The following ADAMTS9 variants were observed in gnomAD, a reference collection of about 807,000 sequenced individuals.
The protein encoded by ADAMTS9 is A disintegrin and metalloproteinase with thrombospondin motifs 9.
ADAMTS9 carries 107 observed loss-of-function variants against 257.1 expected under a neutral mutation model. The observed-to-expected ratio is 0.42, with a 90% CI of 0.36 to 0.49. ADAMTS9 has a LOEUF of 0.49. Ranked by LOEUF, ADAMTS9 falls within the 20% of genes least tolerant of loss-of-function variation. The pLI, the probability that ADAMTS9 is intolerant of heterozygous loss-of-function variation, is 0.03. For missense variants in ADAMTS9, 2,353 were observed against 2,469.1 expected (o/e 0.95, Z 1.00); for synonymous variants, 982 against 880.9 (o/e 1.11, Z -2.03).
At chr3:64,654,809 A>G (rs925222668) in intron 6 of ADAMTS9, 197 bp from the exon 7 acceptor site, 2 of 593,624 alleles carry the variant, frequency 3.4e-6, no homozygotes, top group Non-Finnish European at 3.0e-6. Context: ...AAACTACTAC[A>G]TTAAGAAGTT....
rs928891961 is a variant in ADAMTS9, at chr3:64,522,174, T to C, written c.5805A>G (p.Leu1935=). 5.0e-5 allele frequency: 81 copies of C among 1,613,726 alleles called. No individual in the cohort carries two copies. The highest frequency in any genetic ancestry group is 6.7e-5 in the Non-Finnish European group (79 of 1,179,808). ...SSGTGLEVRV[L] is the part of the protein sequence containing the mutation. ...GACATAGGACTACTTACCTTAGCTA[T>C]AAAACTCGCACCTCCAGGCCAGTAC... The change falls in exon 39 of 40, where the codon TTA becomes TTG. Residue 1935 remains leucine, a synonymous_variant. Transcript: ENST00000498707.
intron 31 of ADAMTS9, 154 bp downstream of exon 31, chr3:64,550,738 G>C (rs1312743539): frequency 1.2e-6 from 1 of 864,602 alleles, no homozygotes; most frequent in African/African-American, 1.7e-5. Context: ...GCTTGGGAAA[G>C]CTGAGGACTT....
chr3:64,521,358 T>A (rs2082849403), intron 39 of ADAMTS9: 1 of 152,178 alleles, frequency 6.6e-6, no homozygotes, highest in Admixed American at 6.5e-5. Context: ...TGTAAATTAG[T>A]TCATCCTTTG....
intron 3 of ADAMTS9, among the ~76,000 whole-genome samples, chr3:64,678,036 T>C (rs1193429284): frequency 6.6e-6 from 1 of 152,212 alleles, no homozygotes; most frequent in East Asian, 1.9e-4. Flanking sequence ...ATATTCCATC[T>C]GCGTGTGAAA....
intron 25 of ADAMTS9, among the ~76,000 whole-genome samples, chr3:64,602,821 G>C (rs1291617223): frequency 6.6e-6 from 1 of 152,106 alleles, no homozygotes; most frequent in African/African-American, 2.4e-5. Context: ...AGTACCTCTT[G>C]CTATATTACA....
In ADAMTS9 at chr3:64,687,982, G is replaced by A. The variant is rs935141067; in HGVS notation, c.-325C>T. 2.9e-5 allele frequency: 6 copies of A among 204,284 alleles called. No homozygotes were observed. Among genetic ancestry groups the A allele is most frequent in the African/African-American group, 1.4e-4 (6 of 43,068 alleles). The allele number at this position is 204,284 out of a possible 1,614,324, so 12.7% of individuals were successfully genotyped here. On this transcript the variant is annotated 5_prime_UTR_variant, in exon 1 of 40. Coordinates refer to ENST00000498707, the MANE Select transcript of ADAMTS9 (RefSeq NM_182920.2). This position sits in a 1 kb window ranked among gnomAD's most constrained non-coding sequence, Gnocchi z 4.4. ...AGAAGGCGAGGAACTTGCGCTCCGAGGCGCGCCGGGCGCCCTGTGCTGGCC... is the reference window on the plus strand; with the variant it reads ...AGAAGGCGAGGAACTTGCGCTCCGAAGCGCGCCGGGCGCCCTGTGCTGGCC...
chr3:64,682,904 T>C (rs967522182), intron 2 of ADAMTS9, among the ~76,000 whole-genome samples: 1 of 152,236 alleles, frequency 6.6e-6, no homozygotes, highest in Admixed American at 6.5e-5. Context: ...TTGTTTTTGT[T>C]TTTAAATTAG....
chr3:64,628,304 T>C (rs1189221688), intron 16 of ADAMTS9, among the ~76,000 whole-genome samples: 1 of 152,180 alleles, frequency 6.6e-6, no homozygotes, highest in East Asian at 1.9e-4. Context: ...ATTGATTAAG[T>C]TGACTTGAAT....
At chr3:64,643,172 C>G (rs956451350) in intron 11 of ADAMTS9, among the ~76,000 whole-genome samples, 2 of 152,040 alleles carry the variant, frequency 1.3e-5, no homozygotes, top group South Asian at 4.2e-4. Context: ...GTGGGGACTA[C>G]GTCGCTCTCT....
chr3:64,523,454 T>A (rs1438632409), intron 38 of ADAMTS9, among the ~76,000 whole-genome samples: 2 of 152,090 alleles, frequency 1.3e-5, no homozygotes, highest in Non-Finnish European at 2.9e-5. Flanking sequence ...CAAGTACAGG[T>A]GAGAATATTT....
intron 25 of ADAMTS9, 31 bp downstream of exon 25, chr3:64,603,890 TC>T: frequency 6.2e-7 from 1 of 1,608,564 alleles, no homozygotes; most frequent in East Asian, 2.2e-5. Flanking sequence ...TTTCCCCCAT[TC>T]CCCCTAATTC....
At chr3:64,652,392 G>C (rs1006276051) in intron 8 of ADAMTS9, among the ~76,000 whole-genome samples, 1 of 152,124 alleles carries the variant, frequency 6.6e-6, no homozygotes, top group African/African-American at 2.4e-5. Flanking sequence ...CTATGCTTAA[G>C]AATCTATTTT....
At chr3:64,611,822 C>T (rs537540431) in intron 22 of ADAMTS9, among the ~76,000 whole-genome samples, 1 of 152,152 alleles carries the variant, frequency 6.6e-6, no homozygotes, top group Admixed American at 6.5e-5. Context: ...AGTTGGGGAC[C>T]CCTGGCTTAA....
At chr3:64,602,290 T>A in intron 25 of ADAMTS9, 77 bp from the exon 26 acceptor site, 1 of 1,535,394 alleles carries the variant, frequency 6.5e-7, no homozygotes, top group Non-Finnish European at 8.9e-7. Context: ...TGCATTTCTG[T>A]AAATGGCCCA....
intron 30 of ADAMTS9, among the ~76,000 whole-genome samples, chr3:64,551,648 C>T (rs1204979763): frequency 6.6e-6 from 1 of 152,178 alleles, no homozygotes; most frequent in Non-Finnish European, 1.5e-5. Context: ...ACTTCAAACA[C>T]CTACTCACAA....
intron 16 of ADAMTS9, among the ~76,000 whole-genome samples, chr3:64,625,356 T>C (rs745458111): frequency 6.6e-6 from 1 of 152,188 alleles, no homozygotes; most frequent in Non-Finnish European, 1.5e-5. Context: ...TGACACATTA[T>C]CTTTCACCAC....
At chr3:64,650,797 C>T (rs1258012908) in intron 9 of ADAMTS9, 4 of 483,298 alleles carry the variant, frequency 8.3e-6, no homozygotes, top group Non-Finnish European at 1.1e-5. Flanking sequence ...AAGACTCCAA[C>T]CTTTTCTTTA....
intron 8 of ADAMTS9, 71 bp downstream of exon 8, chr3:64,654,282 G>T: frequency 3.5e-6 from 5 of 1,429,610 alleles, no homozygotes; most frequent in South Asian, 2.5e-5. Context: ...TCAAGTAAAT[G>T]CTCACTGATG....
At chr3:64,592,423 G>A (rs1340021418) in intron 28 of ADAMTS9, 1 of 152,062 alleles carries the variant, frequency 6.6e-6, no homozygotes. Flanking sequence ...TAAACCTTAT[G>A]TTTTCAGTTA....
Sources: gnomAD v4.1 joint callset for allele counts (sites outside exome capture counted in the v4.1 genomes callset) on GRCh38, gnomAD v4.1.1 for gene constraint, Gnocchi (gnomAD v3.1) non-coding constraint, MANE v1.5 for transcripts, NCBI Gene and HGNC (gene_info 2026-07-23, HGNC 2026-07-21) for gene names.